Variants in ARHGAP17 observed in about 807,000 individuals in gnomAD.
ARHGAP17 encodes the protein Rho GTPase activating protein 17.
Under a neutral mutation model 99.5 loss-of-function variants are expected in ARHGAP17, and 57 were observed. The ratio of observed to expected loss-of-function variants is 0.57; its 90% CI spans 0.46 to 0.71. The LOEUF is 0.71. ARHGAP17 is among the 30% of genes least tolerant of loss of function. The pLI, the probability that ARHGAP17 is intolerant of heterozygous loss-of-function variation, is 0.00. For missense variants in ARHGAP17, 1,000 were observed against 1,122.4 expected (o/e 0.89, Z 1.56); for synonymous variants, 417 against 429.6 (o/e 0.97, Z 0.36).
chr16:25,011,665 C>T (rs906408793), intron 1 of ARHGAP17, among the ~76,000 whole-genome samples: 3 of 150,512 alleles, frequency 2.0e-5, no homozygotes, highest in Non-Finnish European at 4.4e-5. Flanking sequence ...CGCCACTACA[C>T]TCCAACCTGG....
At position 24,943,805 on chromosome 16, in the gene ARHGAP17, G is replaced by A. The variant is rs2051385379; in HGVS notation, c.1299C>T (p.Pro433=). Residue 433 remains proline, a synonymous_variant, in exon 15 of 20, where the codon CCC becomes CCT. Transcript: ENST00000289968. ...AGAACCAGTCGGCATGCTGAATGAT[G>A]GGTTCAATCACTGCAACCACATGGA... ...TSVHVVAVIE[P]IIQHADWFFP... 6.2e-7 allele frequency: 1 copy of A among 1,614,148 alleles called. No individual in the cohort carries two copies. The highest frequency in any genetic ancestry group is 1.1e-5 in the South Asian group (1 of 91,074).
At chr16:24,959,831 A>G in intron 8 of ARHGAP17, 79 bp from the exon 9 acceptor site, 1 of 1,603,742 alleles carries the variant, frequency 6.2e-7, no homozygotes, top group Non-Finnish European at 8.5e-7. Context: ...AGCAAAACTA[A>G]AAATGAAATC....
chr16:24,922,820 C>A (rs117228142), intron 19 of ARHGAP17, among the ~76,000 whole-genome samples: 1 of 152,086 alleles, frequency 6.6e-6, no homozygotes, highest in African/African-American at 2.4e-5. Context: ...GGACTACAAG[C>A]ATACGCCACC....
At chr16:24,997,063 A>T (rs2053213760) in intron 1 of ARHGAP17, among the ~76,000 whole-genome samples, 1 of 152,240 alleles carries the variant, frequency 6.6e-6, no homozygotes. Flanking sequence ...AAACAAGTCA[A>T]TACACAACTT....
chr16:24,936,421 G>C (rs2051140559), intron 17 of ARHGAP17: 1 of 152,244 alleles, frequency 6.6e-6, no homozygotes, highest in African/African-American at 2.4e-5. Flanking sequence ...AAAACAAACA[G>C]CAGGCCAGGC....
chr16:25,013,950 A>G (rs1425808768), intron 1 of ARHGAP17: 1 of 152,188 alleles, frequency 6.6e-6, no homozygotes, highest in Non-Finnish European at 1.5e-5. Flanking sequence ...TTATTTCTTT[A>G]ATTTTCCTGC....
chr16:25,003,434 C>T (rs1036484626), intron 1 of ARHGAP17, among the ~76,000 whole-genome samples: 5 of 151,830 alleles, frequency 3.3e-5, no homozygotes, highest in South Asian at 4.2e-4. Flanking sequence ...AGGATTTCGC[C>T]GTGTTGGCCT....
At chr16:24,939,282 T>G in intron 17 of ARHGAP17, 82 bp downstream of exon 17, 3 of 1,298,622 alleles carry the variant, frequency 2.3e-6, no homozygotes. Context: ...TCTTTGGGCA[T>G]GGATGCCGTG....
chr16:24,987,531 G>C (rs2052909239), intron 1 of ARHGAP17, among the ~76,000 whole-genome samples: 2 of 152,224 alleles, frequency 1.3e-5, no homozygotes, highest in Middle Eastern at 3.4e-3. Flanking sequence ...GGCTTTTCAA[G>C]ACTTTTGCCA....
At chr16:24,987,187 A>T (rs1182460716) in intron 1 of ARHGAP17, among the ~76,000 whole-genome samples, 2 of 152,244 alleles carry the variant, frequency 1.3e-5, no homozygotes, top group Non-Finnish European at 2.9e-5. Flanking sequence ...GCTGCCACAG[A>T]CATTGTATAA....
chr16:24,978,027 C>T (rs1438167542), intron 2 of ARHGAP17, among the ~76,000 whole-genome samples: 1 of 152,098 alleles, frequency 6.6e-6, no homozygotes, highest in East Asian at 1.9e-4. Context: ...AAAAGGGCAG[C>T]GTTTCTTCAG....
chr16:25,011,596 T>C (rs571771107), intron 1 of ARHGAP17, among the ~76,000 whole-genome samples: 3 of 151,910 alleles, frequency 2.0e-5, no homozygotes, highest in Admixed American at 6.6e-5. Context: ...TCCCAGCTAC[T>C]TGGGAGGCTG....
intron 1 of ARHGAP17, among the ~76,000 whole-genome samples, chr16:24,992,656 A>T (rs1162022175): frequency 6.6e-6 from 1 of 152,200 alleles, no homozygotes. Context: ...ATTTTAACAG[A>T]AAGAGTACAG....
At chr16:24,942,382 G>T (rs997172660) in intron 15 of ARHGAP17, among the ~76,000 whole-genome samples, 2 of 152,148 alleles carry the variant, frequency 1.3e-5, no homozygotes, top group Non-Finnish European at 2.9e-5. Context: ...ACACTTTTGT[G>T]CTTTCTCTTT....
At chr16:24,992,787 T>C (rs888929539) in intron 1 of ARHGAP17, among the ~76,000 whole-genome samples, 1 of 152,168 alleles carries the variant, frequency 6.6e-6, no homozygotes, top group Admixed American at 6.5e-5. Flanking sequence ...TAACATGTAA[T>C]CAAAAAAGTT....
At chr16:24,940,759 T>C (rs1416410338) in intron 16 of ARHGAP17, among the ~76,000 whole-genome samples, 1 of 152,112 alleles carries the variant, frequency 6.6e-6, no homozygotes, top group Non-Finnish European at 1.5e-5. Context: ...GGTGGCTGGA[T>C]GTGGCTGGAG....
chr16:24,920,068 T>A lies in ARHGAP17; in HGVS notation c.*62A>T. ...ACTGTTCGGTCTGCAAAGAAAGAGG[T>A]TCGCCTGCCCCTGCTCCACTCGCCA... On this transcript the variant is annotated 3_prime_UTR_variant, in exon 20 of 20. Transcript: ENST00000289968. 1 of 1,583,216 alleles carries A rather than the reference T, an allele frequency of 6.3e-7. No homozygotes were observed. Among genetic ancestry groups the A allele is most frequent in the South Asian group, 1.1e-5 (1 of 88,650 alleles).
At chr16:24,937,896 G>C (rs2051185790) in intron 17 of ARHGAP17, among the ~76,000 whole-genome samples, 1 of 152,144 alleles carries the variant, frequency 6.6e-6, no homozygotes, top group South Asian at 2.1e-4. Context: ...TGATCATTCG[G>C]TGTGTTGTGG....
At chr16:24,949,650 T>G (rs924586495) in intron 12 of ARHGAP17, among the ~76,000 whole-genome samples, 166 bp from the exon 13 acceptor site, 1 of 152,218 alleles carries the variant, frequency 6.6e-6, no homozygotes, top group Admixed American at 6.5e-5. Flanking sequence ...ATTAACTGTT[T>G]AACTCTGCGC....
Sources: gnomAD v4.1 joint callset for allele counts (sites outside exome capture counted in the v4.1 genomes callset) on GRCh38, gnomAD v4.1.1 for gene constraint, MANE v1.5 for transcripts, NCBI Gene and HGNC (gene_info 2026-07-23, HGNC 2026-07-21) for gene names.